Variants in SGCD observed in about 807,000 individuals in gnomAD.
SGCD encodes the protein delta-sarcoglycan.
Under a neutral mutation model 36.6 loss-of-function variants are expected in SGCD, and 18 were observed. The observed-to-expected ratio is 0.49, with a 90% CI of 0.34 to 0.73. SGCD has a LOEUF of 0.73. SGCD is among the 30% of genes least tolerant of loss of function. The probability of loss-of-function intolerance (pLI) is 0.01; values close to 1 mark genes in which losing one functional copy is unlikely to be tolerated. For synonymous variants in SGCD, 133 were observed against 130.6 expected (o/e 1.02, Z -0.12); for missense variants, 387 against 346.7 (o/e 1.12, Z -0.92).
chr5:156,016,978 T>A (rs1758996077), intron 1 of SGCD, among the ~76,000 whole-genome samples: 1 of 152,200 alleles, frequency 6.6e-6, no homozygotes. Flanking sequence ...CTCATGTGCA[T>A]ATTCTCTTCT....
chr5:155,907,270 A>T (rs1384179731), intron 1 of SGCD, among the ~76,000 whole-genome samples: 1 of 152,148 alleles, frequency 6.6e-6, no homozygotes, highest in African/African-American at 2.4e-5. Flanking sequence ...GCACTTGCTT[A>T]CCTAAGATCC....
intron 3 of SGCD, among the ~76,000 whole-genome samples, chr5:156,171,843 G>A (rs7731274): frequency 0.036 from 5,471 of 152,222 alleles, 347 homozygotes; most frequent in African/African-American, 0.12. Flanking sequence ...TCAATGAGAA[G>A]CAACTGTGGG....
intron 3 of SGCD, among the ~76,000 whole-genome samples, chr5:156,403,486 C>A (rs891145028): frequency 2.0e-5 from 3 of 152,106 alleles, no homozygotes; most frequent in African/African-American, 4.8e-5. Context: ...TTCTGACTCG[C>A]CGAGATGATT....
chr5:155,857,236 CATAA>C, the SGCD span, among the ~76,000 whole-genome samples: 2 of 152,116 alleles, frequency 1.3e-5, no homozygotes, highest in Non-Finnish European at 2.9e-5. Context: ...GACTCCATCT[CATAA>C]ATAAATAAAT....
chr5:156,393,576 A>C (rs1296046726), intron 3 of SGCD, among the ~76,000 whole-genome samples: 1 of 152,180 alleles, frequency 6.6e-6, no homozygotes, highest in Non-Finnish European at 1.5e-5. Context: ...GCTCCTGTGC[A>C]TCTCTTCTCT....
At chr5:156,302,224 G>C (rs907201703) in intron 3 of SGCD, among the ~76,000 whole-genome samples, 2 of 151,460 alleles carry the variant, frequency 1.3e-5, no homozygotes, top group African/African-American at 4.9e-5. Context: ...TGTATCCTCT[G>C]ACTATACATT....
chr5:155,791,865 A>G, the SGCD span, among the ~76,000 whole-genome samples: 1 of 152,208 alleles, frequency 6.6e-6, no homozygotes, highest in Non-Finnish European at 1.5e-5. Flanking sequence ...TGCTATCCCT[A>G]TGAAAATACC....
intron 6 of SGCD, among the ~76,000 whole-genome samples, chr5:156,613,238 C>T (rs551162956): frequency 6.6e-6 from 1 of 152,310 alleles, no homozygotes; most frequent in South Asian, 2.1e-4. Context: ...TCTAGTCAGC[C>T]ATCTTGCTGT....
intron 1 of SGCD, among the ~76,000 whole-genome samples, chr5:155,974,884 AC>A (rs1222427115): frequency 3.3e-5 from 5 of 150,358 alleles, no homozygotes; most frequent in Admixed American, 2.6e-4. Context: ...GACCTCTCTA[AC>A]CCCCCATCCT....
chr5:156,589,447 GTAGCATGTGTTCCATGATTCTAC>G, intron 5 of SGCD, 129 bp downstream of exon 5: 1 of 594,812 alleles, frequency 1.7e-6, no homozygotes, highest in Non-Finnish European at 3.1e-6. Context: ...GAAAGAGAAT[GTAGCATGTGTTCCATGATTCTAC>G]TAGAGGGTAG....
intron 3 of SGCD, among the ~76,000 whole-genome samples, chr5:156,506,688 A>G (rs149263595): frequency 1.6e-3 from 246 of 152,342 alleles, no homozygotes; most frequent in Non-Finnish European, 2.9e-3. Flanking sequence ...TTGGGCTAGA[A>G]TGAAACAAAT....
At chr5:155,866,736 C>CTT (rs1755531923), upstream of SGCD, among the ~76,000 whole-genome samples, 1 of 152,120 alleles carries the variant, frequency 6.6e-6, no homozygotes, top group East Asian at 1.9e-4. Flanking sequence ...ATCTAAGCAA[C>CTT]TTGTGTAAGG....
intron 7 of SGCD, among the ~76,000 whole-genome samples, chr5:156,724,254 G>A (rs992539553): frequency 2.0e-5 from 3 of 152,166 alleles, no homozygotes; most frequent in Non-Finnish European, 4.4e-5. Context: ...GTTCACATAG[G>A]ACACCTAGTT....
At chr5:156,609,833 G>C (rs918036608) in intron 6 of SGCD, among the ~76,000 whole-genome samples, 2 of 151,958 alleles carry the variant, frequency 1.3e-5, no homozygotes, top group Non-Finnish European at 2.9e-5. Flanking sequence ...CCAGTTGATC[G>C]AATCGGCTCC....
At chr5:155,830,559 G>A in the SGCD span, among the ~76,000 whole-genome samples, 1 of 152,140 alleles carries the variant, frequency 6.6e-6, no homozygotes, top group African/African-American at 2.4e-5. Flanking sequence ...CTGACAGCAG[G>A]ACTTTGGTTA....
chr5:156,039,907 A>G (rs1759594130), intron 1 of SGCD, among the ~76,000 whole-genome samples: 1 of 152,180 alleles, frequency 6.6e-6, no homozygotes, highest in African/African-American at 2.4e-5. Context: ...ATTGATGTGC[A>G]GTCTCTTCAA....
At chr5:155,845,464 C>T in the SGCD span, 1 of 152,386 alleles carries the variant, frequency 6.6e-6, no homozygotes, top group South Asian at 2.1e-4. Context: ...CCTGAACGCG[C>T]CTGATCTCGT....
intron 3 of SGCD, among the ~76,000 whole-genome samples, chr5:156,469,729 T>C (rs892054549): frequency 3.3e-5 from 5 of 152,232 alleles, no homozygotes; most frequent in African/African-American, 1.2e-4. Context: ...TACTTGAGAT[T>C]AGCTCTTTCA....
intron 4 of SGCD, among the ~76,000 whole-genome samples, chr5:156,576,065 T>C (rs905085144): frequency 6.6e-6 from 1 of 151,978 alleles, no homozygotes; most frequent in Non-Finnish European, 1.5e-5. Context: ...TTAATGCTAT[T>C]CCTCCCCCTG....
Sources: allele counts gnomAD v4.1 joint callset (sites outside exome capture counted in the v4.1 genomes callset), GRCh38; gene constraint gnomAD v4.1.1; transcripts MANE v1.5; gene names NCBI Gene and HGNC (gene_info 2026-07-23, HGNC 2026-07-21).